COL21A1: variants seen among roughly 807,000 people sequenced by gnomAD.
COL21A1 encodes the protein collagen alpha-1(XXI) chain.
A neutral mutation model predicts 137.9 loss-of-function variants in COL21A1; 149 were observed. The observed-to-expected ratio is 1.08, with a 90% CI of 0.95 to 1.24. The LOEUF (loss-of-function observed/expected upper bound fraction) is 1.24. Among genes scored for constraint, COL21A1 ranks in the 50% most tolerant of loss-of-function variants. The probability of loss-of-function intolerance (pLI) is 0.00; values close to 1 mark genes in which losing one functional copy is unlikely to be tolerated. For synonymous variants in COL21A1, 456 were observed against 391.5 expected, an observed-to-expected ratio of 1.16 and a Z score of -1.95; for missense variants, 1,167 against 1,158.4, an observed-to-expected ratio of 1.01 and a Z score of -0.11.
At chr6:56,230,072 T>A (rs1047692505) in intron 1 of COL21A1, among the ~76,000 whole-genome samples, 3 of 151,920 alleles carry the variant, frequency 2.0e-5, no homozygotes, top group Admixed American at 2.0e-4. Context: ...ATATATTTGG[T>A]ATACATATTT....
intron 1 of COL21A1, among the ~76,000 whole-genome samples, chr6:56,268,922 A>G (rs923399689): frequency 4.6e-5 from 7 of 152,240 alleles, no homozygotes; most frequent in African/African-American, 1.4e-4. Context: ...ATTTTAAGAA[A>G]GAACAAAACT....
intron 17 of COL21A1, among the ~76,000 whole-genome samples, chr6:56,098,972 C>T (rs1356547106): frequency 1.3e-5 from 2 of 150,262 alleles, no homozygotes; most frequent in African/African-American, 4.9e-5. Context: ...GCCTCGGCCT[C>T]CCAAAGTGCT....
At position 56,181,789 on chromosome 6, in the gene COL21A1, T is replaced by C. The variant is rs113987243; in HGVS notation, c.88+742A>G. Among the ~76,000 whole-genome samples, 947 of 152,294 alleles carry C rather than the reference T, an allele frequency of 6.2e-3. 5 individuals are homozygous for C. Among genetic ancestry groups the C allele is most frequent in the Middle Eastern group, 0.02 (6 of 294 alleles). On this transcript the variant is annotated intron_variant, in intron 2 of 29. Transcript: ENST00000244728. ...GTTACTGCCCTCACAAGCTGTATGA[T>C]GCTAGGTAAGCCCCTTAACTTATTA...
chr6:56,163,879 C>A (rs569598209), intron 9 of COL21A1, among the ~76,000 whole-genome samples: 1 of 151,846 alleles, frequency 6.6e-6, no homozygotes, highest in Non-Finnish European at 1.5e-5. Flanking sequence ...CTGGAACAAG[C>A]GCATATATAG....
At chr6:56,305,264 C>T (rs1042162339) in intron 1 of COL21A1, among the ~76,000 whole-genome samples, 1 of 152,114 alleles carries the variant, frequency 6.6e-6, no homozygotes, top group Non-Finnish European at 1.5e-5. Flanking sequence ...TGGTGTAGAG[C>T]TGAGTTCAAT....
At chr6:56,094,188 G>A (rs1769119936) in intron 17 of COL21A1, among the ~76,000 whole-genome samples, 2 of 151,948 alleles carry the variant, frequency 1.3e-5, no homozygotes, top group South Asian at 4.1e-4. Context: ...ACTTTGCTTG[G>A]CAATCTCGTC....
rs557890584 is a variant in COL21A1, at chr6:56,232,514, G to A, written c.-39+14873C>T. On this transcript the variant is annotated intron_variant, in intron 1 of 29. Transcript: ENST00000244728. ...TACAAAGCAGGAGATTCATGAGGTG[G>A]GAAACTCTCCTATCTCATTGTTCAC... Among the ~76,000 whole-genome samples, 20 of 151,876 alleles carry A rather than the reference G, an allele frequency of 1.3e-4. No homozygotes were observed. The East Asian group carries it at 3.9e-3, about 30-fold the overall frequency.
At chr6:56,310,878 AT>A (rs745884828) in intron 1 of COL21A1, among the ~76,000 whole-genome samples, 2 of 151,896 alleles carry the variant, frequency 1.3e-5, no homozygotes, top group African/African-American at 2.4e-5. Context: ...ACATTGATAG[AT>A]TTTTTTTCCT....
At chr6:56,258,038 G>GT (rs1340070945) in intron 1 of COL21A1, among the ~76,000 whole-genome samples, 14 of 151,898 alleles carry the variant, frequency 9.2e-5, no homozygotes, top group Admixed American at 1.3e-4. Context: ...TATTCTTGAA[G>GT]TTTTTTACAA....
intron 3 of COL21A1, among the ~76,000 whole-genome samples, chr6:56,176,422 C>A (rs1398321370): frequency 1.4e-5 from 2 of 147,782 alleles, no homozygotes. Context: ...AACTCAGCAA[C>A]AAAAAAAAAA....
Position 56,067,984 on chromosome 6 carries a change from C to T in COL21A1, c.2092-654G>A, listed in dbSNP as rs537548916. Among the ~76,000 whole-genome samples, 24 of 151,776 alleles carry T rather than the reference C, an allele frequency of 1.6e-4. 1 individual carries two copies. The South Asian group carries it at 5.0e-3, about 31-fold the overall frequency. On this transcript the variant is annotated intron_variant, in intron 22 of 29. Coordinates refer to ENST00000244728, the MANE Select transcript of COL21A1 (RefSeq NM_030820.4). ...TTAATACTTCACCGTACTATCTAAACATAGAGTACAGTTTTGCATTTCAAC... is the reference window on the plus strand; with the variant it reads ...TTAATACTTCACCGTACTATCTAAATATAGAGTACAGTTTTGCATTTCAAC...
At chr6:56,321,315 A>C (rs1200052886) in intron 1 of COL21A1, among the ~76,000 whole-genome samples, 2 of 152,216 alleles carry the variant, frequency 1.3e-5, no homozygotes, top group Non-Finnish European at 1.5e-5. Flanking sequence ...CATTATAAAA[A>C]AAATTGGGTT....
chr6:56,344,987 G>A (rs1031408047), intron 1 of COL21A1, among the ~76,000 whole-genome samples: 6 of 152,134 alleles, frequency 3.9e-5, no homozygotes, highest in African/African-American at 1.4e-4. Context: ...AGCAATGCAA[G>A]GATGGACTCA....
chr6:56,340,923 T>C (rs1419324754), intron 1 of COL21A1, among the ~76,000 whole-genome samples: 3 of 152,190 alleles, frequency 2.0e-5, no homozygotes, highest in Admixed American at 6.5e-5. Flanking sequence ...GACCCCTTTG[T>C]TGATTGAACA....
chr6:56,305,016 G>T (rs1272368126), intron 1 of COL21A1, among the ~76,000 whole-genome samples: 7 of 152,206 alleles, frequency 4.6e-5, no homozygotes, highest in Admixed American at 3.3e-4. Context: ...GGAGCAGGTT[G>T]TTCAGTTTCC....
At chr6:56,210,039 T>C (rs1780058559) in intron 1 of COL21A1, among the ~76,000 whole-genome samples, 1 of 151,358 alleles carries the variant, frequency 6.6e-6, no homozygotes. Flanking sequence ...TTCTCACTCA[T>C]AAGTAGGAGT....
intron 17 of COL21A1, among the ~76,000 whole-genome samples, chr6:56,088,509 C>T (rs9370482): frequency 6.6e-6 from 1 of 152,038 alleles, no homozygotes; most frequent in African/African-American, 2.4e-5. Context: ...TTTGCACCTG[C>T]CAGCATAGCT....
intron 9 of COL21A1, among the ~76,000 whole-genome samples, chr6:56,162,862 G>A (rs2152266062): frequency 6.6e-6 from 1 of 152,164 alleles, no homozygotes; most frequent in African/African-American, 2.4e-5. Context: ...TTTATGTCAA[G>A]GCATCTAAAA....
At chr6:56,164,197 A>G (rs938475598) in intron 9 of COL21A1, among the ~76,000 whole-genome samples, 11 of 152,228 alleles carry the variant, frequency 7.2e-5, no homozygotes, top group African/African-American at 2.7e-4. Context: ...ATACTGTCTC[A>G]GTTTAATGTG....
Sources: allele counts gnomAD v4.1 joint callset (sites outside exome capture counted in the v4.1 genomes callset), GRCh38; gene constraint gnomAD v4.1.1; transcripts MANE v1.5; gene names NCBI Gene and HGNC (gene_info 2026-07-23, HGNC 2026-07-21).